Variants in STPG2 observed in about 807,000 individuals in gnomAD.
STPG2 encodes the protein sperm tail PG-rich repeat containing 2.
A neutral mutation model predicts 54.2 loss-of-function variants in STPG2; 56 were observed. That is an observed-to-expected ratio of 1.03 (90% CI 0.83 to 1.29). The LOEUF is 1.29. STPG2 is among the 50% of genes most tolerant of loss of function. The pLI is 0.00. For missense variants in STPG2, 596 were observed against 544.9 expected, an observed-to-expected ratio of 1.09 and a Z score of -0.93; for synonymous variants, 200 against 181.8, an observed-to-expected ratio of 1.10 and a Z score of -0.81.
intron 4 of STPG2, among the ~76,000 whole-genome samples, chr4:97,495,855 A>C (rs984004831): frequency 1.3e-5 from 2 of 151,664 alleles, no homozygotes; most frequent in Admixed American, 1.3e-4. Flanking sequence ...GAATTAATTT[A>C]TTGAGCTTAT....
At chr4:97,812,452 T>A (rs552053671) in intron 9 of STPG2, among the ~76,000 whole-genome samples, 1 of 152,174 alleles carries the variant, frequency 6.6e-6, no homozygotes, top group Non-Finnish European at 1.5e-5. Flanking sequence ...AAATTGGATA[T>A]CATAAAGTAA....
chr4:97,933,746 T>C (rs1477545191), intron 8 of STPG2, among the ~76,000 whole-genome samples: 2 of 152,226 alleles, frequency 1.3e-5, no homozygotes, highest in Admixed American at 1.3e-4. Context: ...CCCAGTACTA[T>C]GCTGTTTTGG....
chr4:97,506,586 G>A (rs1730849810), intron 4 of STPG2, among the ~76,000 whole-genome samples: 1 of 151,682 alleles, frequency 6.6e-6, no homozygotes, highest in African/African-American at 2.4e-5. Flanking sequence ...AATAAATAAT[G>A]ACTATAATAA....
At chr4:97,998,405 T>G (rs879603187) in intron 5 of STPG2, among the ~76,000 whole-genome samples, 1 of 152,130 alleles carries the variant, frequency 6.6e-6, no homozygotes, top group Non-Finnish European at 1.5e-5. Context: ...ATCTTGGATA[T>G]TCCAGCCCCA....
chr4:97,544,440 C>T (rs1215311671), intron 4 of STPG2, among the ~76,000 whole-genome samples: 15 of 151,940 alleles, frequency 9.9e-5, no homozygotes, highest in Non-Finnish European at 1.5e-5. Context: ...CACTCAAAAA[C>T]ATTCATGAGG....
At chr4:97,900,931 T>G (rs1021246997) in intron 8 of STPG2, among the ~76,000 whole-genome samples, 18 of 151,962 alleles carry the variant, frequency 1.2e-4, no homozygotes, top group African/African-American at 4.3e-4. Context: ...AAAATAAAAG[T>G]TTTTTTAAAA....
At chr4:97,714,692 C>T (rs1724235185) in intron 9 of STPG2, among the ~76,000 whole-genome samples, 1 of 151,940 alleles carries the variant, frequency 6.6e-6, no homozygotes. Flanking sequence ...GACATTCAAA[C>T]ACAAACTATG....
At chr4:98,102,892 T>G (rs1386351873) in intron 5 of STPG2, among the ~76,000 whole-genome samples, 2 of 148,808 alleles carry the variant, frequency 1.3e-5, no homozygotes, top group African/African-American at 2.4e-5. Flanking sequence ...TATATTAACA[T>G]GTAATATAAT....
intron 9 of STPG2, among the ~76,000 whole-genome samples, chr4:97,784,180 C>A (rs186496443): frequency 2.0e-5 from 3 of 151,740 alleles, no homozygotes; most frequent in Admixed American, 2.0e-4. Flanking sequence ...TATCAATCAG[C>A]CAAAAATGAA....
At chr4:97,743,168 A>G (rs1725320288) in intron 9 of STPG2, among the ~76,000 whole-genome samples, 1 of 151,802 alleles carries the variant, frequency 6.6e-6, no homozygotes, top group Admixed American at 6.6e-5. Context: ...TACATCACAG[A>G]GTGTCAAGAG....
intron 5 of STPG2, among the ~76,000 whole-genome samples, chr4:98,077,177 G>T (rs1560668581): frequency 6.6e-6 from 1 of 152,070 alleles, no homozygotes; most frequent in Non-Finnish European, 1.5e-5. Flanking sequence ...AATACAATAA[G>T]AAACACTAGA....
intron 5 of STPG2, among the ~76,000 whole-genome samples, chr4:97,992,405 CTG>C (rs1356350344): frequency 6.6e-6 from 1 of 151,734 alleles, no homozygotes; most frequent in Non-Finnish European, 1.5e-5. Context: ...GATCAGTTGA[CTG>C]TAAGTTTTTG....
chr4:98,140,115 G>C (rs186096187), intron 1 of STPG2, among the ~76,000 whole-genome samples: 2 of 152,264 alleles, frequency 1.3e-5, no homozygotes, highest in East Asian at 3.9e-4. Context: ...GAATCTCAAA[G>C]AATAAATACA....
At chr4:97,599,346 C>A (rs1408856460) in intron 10 of STPG2, among the ~76,000 whole-genome samples, 1 of 152,160 alleles carries the variant, frequency 6.6e-6, no homozygotes, top group Non-Finnish European at 1.5e-5. Context: ...TGTGATTCCT[C>A]AAAGAACTTA....
At chr4:97,723,673 T>A (rs928635881) in intron 9 of STPG2, among the ~76,000 whole-genome samples, 36 of 152,272 alleles carry the variant, frequency 2.4e-4, no homozygotes, top group Non-Finnish European at 4.6e-4. Flanking sequence ...ACTGGGTAAT[T>A]TATAAGCAGA....
chr4:98,126,150 G>A (rs1209841334), intron 3 of STPG2, among the ~76,000 whole-genome samples: 1 of 152,226 alleles, frequency 6.6e-6, no homozygotes, highest in Non-Finnish European at 1.5e-5. Flanking sequence ...AGCTAGTGAG[G>A]TTCCATGGGA....
intron 10 of STPG2, among the ~76,000 whole-genome samples, chr4:97,669,207 T>C (rs1442322145): frequency 2.0e-5 from 3 of 152,164 alleles, no homozygotes; most frequent in East Asian, 3.9e-4. Flanking sequence ...TCTGACCTAA[T>C]TAGTCTGCAA....
At chr4:98,115,561 C>A (rs979982387) in intron 3 of STPG2, among the ~76,000 whole-genome samples, 3 of 151,948 alleles carry the variant, frequency 2.0e-5, no homozygotes, top group African/African-American at 7.2e-5. Flanking sequence ...ACAGCTTCAG[C>A]AGATGTGATT....
At chr4:97,611,955 T>C (rs1733740496) in intron 10 of STPG2, among the ~76,000 whole-genome samples, 1 of 151,864 alleles carries the variant, frequency 6.6e-6, no homozygotes, top group Admixed American at 6.6e-5. Flanking sequence ...AGAGTGAATC[T>C]CTGAAATTAT....
Sources: allele counts gnomAD v4.1 joint callset (sites outside exome capture counted in the v4.1 genomes callset), GRCh38; gene constraint gnomAD v4.1.1; transcripts MANE v1.5; gene names NCBI Gene and HGNC (gene_info 2026-07-23, HGNC 2026-07-21).